FAM200B: variants seen among roughly 807,000 people sequenced by gnomAD.
The protein encoded by FAM200B is zinc finger BED-type containing 11.
Under a neutral mutation model 33.1 loss-of-function variants are expected in FAM200B, and 32 were observed. The observed-to-expected ratio is 0.97, with a 90% confidence interval of 0.73 to 1.30. The LOEUF is 1.30. Ranked by LOEUF, FAM200B falls within the 50% of genes most tolerant of loss-of-function variation. The pLI, the probability that FAM200B is intolerant of heterozygous loss-of-function variation, is 0.00. For missense variants in FAM200B, 741 were observed against 754.0 expected, an observed-to-expected ratio of 0.98 and a Z score of 0.20; for synonymous variants, 240 against 264.8, an observed-to-expected ratio of 0.91 and a Z score of 0.91.
intron 1 of FAM200B, among the ~76,000 whole-genome samples, chr4:15,682,245 C>T (rs1718369909): frequency 6.6e-6 from 1 of 152,138 alleles, no homozygotes; most frequent in African/African-American, 2.4e-5. Flanking sequence ...AATGTCAAAA[C>T]AGGAAACAAA....
At chr4:15,651,892 A>C in the FAM200B span, among the ~76,000 whole-genome samples, 177 of 152,324 alleles carry the variant, frequency 1.2e-3, 1 homozygote, top group African/African-American at 4.1e-3. Context: ...TCTCTCAGAA[A>C]TCAATTCAAA....
intron 1 of FAM200B, among the ~76,000 whole-genome samples, chr4:15,683,270 TCTTA>T (rs1214025705): frequency 6.6e-5 from 10 of 152,122 alleles, no homozygotes; most frequent in Non-Finnish European, 1.2e-4. Flanking sequence ...TACTTCGGCC[TCTTA>T]CTTAGATGAT....
upstream of FAM200B, among the ~76,000 whole-genome samples, chr4:15,680,496 C>T (rs1718187805): frequency 6.6e-6 from 1 of 152,018 alleles, no homozygotes; most frequent in African/African-American, 2.4e-5. Context: ...AATGGTGAAA[C>T]CCCGTCTTTG....
At chr4:15,648,293 T>C in the FAM200B span, among the ~76,000 whole-genome samples, 140 of 152,300 alleles carry the variant, frequency 9.2e-4, 1 homozygote, top group South Asian at 0.022. Flanking sequence ...TAGAAAGGAA[T>C]TGGTACAGCC....
the FAM200B span, chr4:15,655,132 C>T: frequency 3.9e-5 from 47 of 1,219,342 alleles, no homozygotes; most frequent in East Asian, 1.8e-3. Context: ...CAGGCCAGGC[C>T]GCCCCAAGAA....
In FAM200B at chr4:15,687,197, A is replaced by G; in HGVS notation, c.220A>G (p.Lys74Glu). 6.5e-7 allele frequency: 1 copy of G among 1,538,350 alleles called. No individual in the cohort carries two copies. The highest frequency in any genetic ancestry group is 8.8e-7 in the Non-Finnish European group (1 of 1,140,944). The change falls in exon 2 of 2, where the codon AAA becomes GAA. Residue 74 changes from lysine (K) to glutamate (E), a missense_variant. Lys to Glu is a moderately conservative substitution (Grantham distance 56). Coordinates refer to ENST00000422728, the MANE Select transcript of FAM200B (RefSeq NM_001145191.2). ...AGATTACTTAAAATATGGCTTTATC[A>G]AATGTGAAAAACCCTTTGAAAATGA... ...NEDYLKYGFIKCEKPFENDRP... is the reference protein window; with the variant it reads ...NEDYLKYGFIECEKPFENDRP...
chr4:15,647,666 T>C, the FAM200B span, among the ~76,000 whole-genome samples: 7 of 152,342 alleles, frequency 4.6e-5, no homozygotes, highest in South Asian at 6.2e-4. Flanking sequence ...ATAGTAACTA[T>C]ATAAAGAGAC....
the FAM200B span, among the ~76,000 whole-genome samples, chr4:15,662,774 AT>A: frequency 6.6e-6 from 1 of 151,706 alleles, no homozygotes; most frequent in Non-Finnish European, 1.5e-5. Context: ...GTAAGATGTA[AT>A]TTTTTTTTGT....
In FAM200B at chr4:15,688,169, G is replaced by T. The variant is rs1719066429; in HGVS notation, c.1192G>T (p.Val398Phe). The stretch of plus-strand genomic sequence containing the variant: ...GTCTCAAGGGAAAATACTAAGCAGG[G>T]TTTATGAGCTCAGGAATGAGATTCA... ...WLSQGKILSR[V>F]YELRNEIHFF... Residue 398 changes from valine to phenylalanine, a missense_variant, in exon 2 of 2, where the codon GTT becomes TTT. Val to Phe is a conservative substitution (Grantham distance 50). Coordinates refer to ENST00000422728, the MANE Select transcript of FAM200B (RefSeq NM_001145191.2). 2.6e-6 allele frequency: 4 copies of T among 1,551,096 alleles called. No homozygotes were observed. Among genetic ancestry groups the T allele is most frequent in the East Asian group, 2.4e-5 (1 of 40,854 alleles).
the FAM200B span, among the ~76,000 whole-genome samples, chr4:15,647,702 C>T: frequency 1.3e-5 from 2 of 152,094 alleles, no homozygotes; most frequent in Non-Finnish European, 2.9e-5. Flanking sequence ...GAATCTATAT[C>T]CAGCTAACCT....
At chr4:15,649,864 G>A in the FAM200B span, among the ~76,000 whole-genome samples, 1 of 152,058 alleles carries the variant, frequency 6.6e-6, no homozygotes, top group South Asian at 2.1e-4. Context: ...GTCTCAGGAA[G>A]AAAATTTACC....
the FAM200B span, among the ~76,000 whole-genome samples, chr4:15,660,580 C>G: frequency 3.4e-4 from 52 of 152,212 alleles, no homozygotes; most frequent in African/African-American, 1.2e-3. Context: ...CACTACCTAC[C>G]TACCCACAAG....
At chr4:15,647,017 G>A in the FAM200B span, among the ~76,000 whole-genome samples, 1 of 151,736 alleles carries the variant, frequency 6.6e-6, no homozygotes, top group Non-Finnish European at 1.5e-5. Flanking sequence ...GAGGTCAGGA[G>A]TTCGAGACCA....
chr4:15,643,284 G>A, the FAM200B span, among the ~76,000 whole-genome samples: 6 of 152,106 alleles, frequency 3.9e-5, no homozygotes, highest in African/African-American at 1.2e-4. Context: ...TCCTCCCTAA[G>A]CTGTAGAACA....
chr4:15,678,753 A>G (rs976728772), upstream of FAM200B, among the ~76,000 whole-genome samples: 6 of 152,202 alleles, frequency 3.9e-5, no homozygotes, highest in African/African-American at 1.4e-4. Flanking sequence ...ATTTTAGCCT[A>G]CAGAAAAATA....
chr4:15,681,014 A>T (rs557092068), upstream of FAM200B, among the ~76,000 whole-genome samples: 1 of 151,084 alleles, frequency 6.6e-6, no homozygotes, highest in South Asian at 2.1e-4. Flanking sequence ...TGTGACAAAG[A>T]TGCACTTATT....
rs1267948260 is a variant in FAM200B at position 15,687,383 on chromosome 4, C to A, written c.406C>A (p.Leu136Ile). 1.3e-6 allele frequency: 2 copies of A among 1,546,886 alleles called. No individual in the cohort carries two copies. The highest frequency in any genetic ancestry group is 1.2e-5 in the South Asian group (1 of 83,266). The change falls in exon 2 of 2, where the codon CTT (leucine) becomes ATT (isoleucine). Residue 136 changes from leucine (L) to isoleucine (I), a missense_variant. By Grantham distance (5) the Leu-to-Ile change is conservative. Coordinates refer to ENST00000422728, the MANE Select transcript of FAM200B (RefSeq NM_001145191.2). ...KKDIKLSTQF[L>I]SCSTAVSEKA... The stretch of plus-strand genomic sequence containing the variant: ...AGACATAAAGTTATCAACACAATTT[C>A]TTAGTTGTTCTACTGCTGTTAGTGA...
chr4:15,683,428 T>C (rs11722300), intron 1 of FAM200B, among the ~76,000 whole-genome samples: 56,664 of 151,970 alleles, frequency 0.37, 11,011 homozygotes, highest in Non-Finnish European at 0.41. Flanking sequence ...TTTAAAAATA[T>C]CTTTTTAATA....
the FAM200B span, among the ~76,000 whole-genome samples, chr4:15,652,588 G>A: frequency 6.6e-6 from 1 of 152,140 alleles, no homozygotes; most frequent in Non-Finnish European, 1.5e-5. Flanking sequence ...GTCAGCTTTT[G>A]AAAATTTATT....
Sources: allele counts gnomAD v4.1 joint callset (sites outside exome capture counted in the v4.1 genomes callset), GRCh38; gene constraint gnomAD v4.1.1; transcripts MANE v1.5; gene names NCBI Gene and HGNC (gene_info 2026-07-23, HGNC 2026-07-21).